SCNN1B: variants seen among roughly 807,000 people sequenced by gnomAD.
SCNN1B encodes the protein sodium channel epithelial 1 subunit beta.
SCNN1B carries 46 observed loss-of-function variants against 65.3 expected under a neutral mutation model. The ratio of observed to expected loss-of-function variants is 0.70; its 90% confidence interval spans 0.56 to 0.90. The LOEUF (loss-of-function observed/expected upper bound fraction) is 0.90, where lower values mean the gene tolerates loss of function less well. SCNN1B is among the 40% of genes least tolerant of loss of function. The probability of loss-of-function intolerance (pLI) is 0.00; values close to 1 mark genes in which losing one functional copy is unlikely to be tolerated. For synonymous variants in SCNN1B, 349 were observed against 330.6 expected (o/e 1.06, Z -0.60); for missense variants, 751 against 830.5 (o/e 0.90, Z 1.18).
chr16:23,290,122 A>C (rs1960903360), intron 2 of SCNN1B, among the ~76,000 whole-genome samples: 1 of 152,186 alleles, frequency 6.6e-6, no homozygotes, highest in Non-Finnish European at 1.5e-5. Context: ...TTTCCCCTAT[A>C]AAATGAGGCC....
chr16:23,377,778 C>T (rs1333535383), intron 10 of SCNN1B, among the ~76,000 whole-genome samples: 1 of 100,920 alleles, frequency 9.9e-6, no homozygotes, highest in East Asian at 2.8e-4. Context: ...TCCTTTCTTC[C>T]TCCCTCCCTT....
chr16:23,380,066 T>G lies in SCNN1B; in HGVS notation c.1467-28T>G. 6.4e-7 allele frequency: 1 copy of G among 1,574,134 alleles called. No homozygotes were observed. The highest frequency in any genetic ancestry group is 2.2e-5 in the East Asian group (1 of 44,622). On this transcript the variant is annotated intron_variant, in intron 11 of 12. Transcript: ENST00000343070. The surrounding 1 kb of genome is among the most constrained non-coding windows in gnomAD (Gnocchi z 5.4). ...TCTGTTTGGAAGGGGGATACATTAG[T>G]CCCGGCCCTTCTCGCTGCCTCCTGC...
chr16:23,316,114 C>T (rs1188744961), intron 1 of SCNN1B, among the ~76,000 whole-genome samples: 1 of 151,208 alleles, frequency 6.6e-6, no homozygotes, highest in Non-Finnish European at 1.5e-5. Context: ...CCATTATCAC[C>T]ATCACCACCA....
At chr16:23,294,486 C>A (rs1426421982) in intron 2 of SCNN1B, among the ~76,000 whole-genome samples, 2 of 138,240 alleles carry the variant, frequency 1.4e-5, no homozygotes, top group Non-Finnish European at 3.1e-5. Flanking sequence ...CCTCTCTGAA[C>A]CCCCCTCTTA....
At position 23,316,329 on chromosome 16, in the gene SCNN1B, C is replaced by A. The variant is rs1055078915; in HGVS notation, c.-9+13892C>A. 2.0e-5 allele frequency among the ~76,000 whole-genome samples: 3 copies of A among 149,546 alleles called. No individual in the cohort carries two copies. In the East Asian group the frequency reaches 6.1e-4, roughly 30 times the overall value. On this transcript the variant is annotated intron_variant, in intron 1 of 12. Coordinates refer to ENST00000343070, the MANE Select transcript of SCNN1B (RefSeq NM_000336.3). ...ATCACCATCATCACCATCATGATCACCATCACCACCATCGCCGTCACCATC... is the reference window on the plus strand; with the variant it reads ...ATCACCATCATCACCATCATGATCAACATCACCACCATCGCCGTCACCATC...
intron 1 of SCNN1B, among the ~76,000 whole-genome samples, chr16:23,309,782 C>T (rs1961301765): frequency 6.6e-6 from 1 of 152,206 alleles, no homozygotes; most frequent in Non-Finnish European, 1.5e-5. Context: ...CACAGACACA[C>T]CCGGGATCGA....
intron 1 of SCNN1B, among the ~76,000 whole-genome samples, chr16:23,322,673 T>G (rs1961613605): frequency 6.6e-6 from 1 of 152,178 alleles, no homozygotes; most frequent in Non-Finnish European, 1.5e-5. Context: ...CAAACTAATT[T>G]TATTAATATA....
intron 1 of SCNN1B, among the ~76,000 whole-genome samples, chr16:23,326,512 T>C (rs1961700398): frequency 6.6e-6 from 1 of 152,200 alleles, no homozygotes; most frequent in Admixed American, 6.5e-5. Flanking sequence ...TCACCCAGGC[T>C]GGAGTGCTGT....
chr16:23,348,536 T>A lies in SCNN1B; in HGVS notation c.-8-56T>A. 6.3e-7 allele frequency: 1 copy of A among 1,576,950 alleles called. No homozygotes were observed. The highest frequency in any genetic ancestry group is 8.7e-7 in the Non-Finnish European group (1 of 1,152,690). The stretch of plus-strand genomic sequence containing the variant: ...CCAGTTCCTGGACGTGACTGGGACA[T>A]CCTCGCAGGCAAGGCTGGTGTCCCA... On this transcript the variant is annotated intron_variant, in intron 1 of 12. Coordinates refer to ENST00000343070, the MANE Select transcript of SCNN1B (RefSeq NM_000336.3). The surrounding 1 kb of genome is among the most constrained non-coding windows in gnomAD (Gnocchi z 4.5).
intron 1 of SCNN1B, among the ~76,000 whole-genome samples, chr16:23,316,374 CCATCCTCACCATCATCACCAT>C (rs1961463341): frequency 6.8e-6 from 1 of 146,532 alleles, no homozygotes; most frequent in African/African-American, 2.6e-5. Flanking sequence ...ATCACCATCA[CCATCCTCACCATCATCACCAT>C]CATCATCATC....
At chr16:23,368,057 G>GC (rs1962708992) in intron 5 of SCNN1B, 98 bp downstream of exon 5, 4 of 921,558 alleles carry the variant, frequency 4.3e-6, no homozygotes, top group South Asian at 3.9e-5. Flanking sequence ...GTGGGACTGA[G>GC]GGGGGACCAA....
intron 4 of SCNN1B, among the ~76,000 whole-genome samples, chr16:23,367,521 C>T (rs1421530494): frequency 6.6e-6 from 1 of 152,254 alleles, no homozygotes; most frequent in African/African-American, 2.4e-5. Context: ...TGGTCTCAAA[C>T]TCCTGGCCTC....
intron 1 of SCNN1B, among the ~76,000 whole-genome samples, chr16:23,335,868 C>T (rs1368003751): frequency 2.0e-5 from 3 of 152,106 alleles, no homozygotes; most frequent in Non-Finnish European, 4.4e-5. Flanking sequence ...CAAATAAGAC[C>T]TGTATCTTAG....
chr16:23,376,999 G>A (rs920460382), intron 8 of SCNN1B, among the ~76,000 whole-genome samples, 166 bp from the exon 9 acceptor site: 1 of 152,184 alleles, frequency 6.6e-6, no homozygotes, highest in Non-Finnish European at 1.5e-5. Context: ...TGAAATGGCT[G>A]GAGGTCGGGG....
At chr16:23,369,849 G>A (rs1962747024) in intron 5 of SCNN1B, among the ~76,000 whole-genome samples, 1 of 152,214 alleles carries the variant, frequency 6.6e-6, no homozygotes, top group Non-Finnish European at 1.5e-5. Flanking sequence ...ACTTCTCTGT[G>A]CCTCAGTTTC....
chr16:23,318,478 G>A (rs1434420416), intron 1 of SCNN1B, among the ~76,000 whole-genome samples: 3 of 152,092 alleles, frequency 2.0e-5, no homozygotes, highest in Non-Finnish European at 4.4e-5. Flanking sequence ...ACGTGGTGGC[G>A]GACGCCTGTA....
intron 2 of SCNN1B, among the ~76,000 whole-genome samples, chr16:23,295,060 A>T (rs961449602): frequency 1.9e-4 from 29 of 152,120 alleles, no homozygotes; most frequent in African/African-American, 2.4e-5. Flanking sequence ...GTTTTTCTGT[A>T]TAGCCATTAT....
intron 3 of SCNN1B, among the ~76,000 whole-genome samples, chr16:23,354,773 G>T (rs1962382569): frequency 6.6e-6 from 1 of 152,186 alleles, no homozygotes; most frequent in African/African-American, 2.4e-5. Context: ...ATGTATATGG[G>T]GTTCGGGGCT....
At position 23,348,957 on chromosome 16, in the gene SCNN1B, CT is replaced by C; in HGVS notation, c.311+48del. 2.0e-6 allele frequency: 3 copies of C among 1,467,830 alleles called. No homozygotes were observed. Among genetic ancestry groups the C allele is most frequent in the Non-Finnish European group, 2.9e-6 (3 of 1,047,834 alleles). The allele number at this position is 1,467,830 out of a possible 1,614,324, so 90.9% of individuals were successfully genotyped here. ...AGCTGGCCTCAGCAGACAGGCGGTT[CT>C]CTTTCTCTCTTTTCTTCCCTTCTAC... On this transcript the variant is annotated intron_variant, in intron 2 of 12. Coordinates refer to ENST00000343070, the MANE Select transcript of SCNN1B (RefSeq NM_000336.3). This position sits in a 1 kb window ranked among gnomAD's most constrained non-coding sequence, Gnocchi z 4.5.
Sources: gnomAD v4.1 joint callset for allele counts (sites outside exome capture counted in the v4.1 genomes callset) on GRCh38, gnomAD v4.1.1 for gene constraint, Gnocchi (gnomAD v3.1) non-coding constraint, MANE v1.5 for transcripts, NCBI Gene and HGNC (gene_info 2026-07-23, HGNC 2026-07-21) for gene names.